ITK: variants seen among roughly 807,000 people sequenced by gnomAD.
ITK encodes IL2 inducible T cell kinase, also known as tyrosine-protein kinase ITK/TSK.
In ITK, 45 loss-of-function variants were observed where a neutral mutation model predicts 87.6. The ratio of observed to expected loss-of-function variants is 0.51; its 90% CI spans 0.40 to 0.66. The LOEUF (loss-of-function observed/expected upper bound fraction) is 0.66. ITK is among the 30% of genes least tolerant of loss of function. The probability of loss-of-function intolerance (pLI) is 0.00; values close to 1 mark genes in which losing one functional copy is unlikely to be tolerated. For missense variants in ITK, 605 were observed against 766.3 expected, an observed-to-expected ratio of 0.79 and a Z score of 2.48; for synonymous variants, 303 against 273.6, an observed-to-expected ratio of 1.11 and a Z score of -1.06.
At chr5:157,191,064 T>G (rs746438645) in intron 1 of ITK, among the ~76,000 whole-genome samples, 2 of 152,232 alleles carry the variant, frequency 1.3e-5, no homozygotes, top group Non-Finnish European at 2.9e-5. Context: ...AGTGGTCTCC[T>G]GGGCCATTGT....
chr5:157,221,393 C>G (rs1754408999), intron 5 of ITK, among the ~76,000 whole-genome samples: 1 of 152,110 alleles, frequency 6.6e-6, no homozygotes, highest in African/African-American at 2.4e-5. Flanking sequence ...GGATAGGGTA[C>G]AGCTAGGATC....
intron 10 of ITK, 163 bp downstream of exon 10, chr5:157,240,358 G>A (rs1268068661): frequency 4.3e-6 from 3 of 705,540 alleles, no homozygotes; most frequent in Non-Finnish European, 7.6e-6. Context: ...TCTAGGTTGT[G>A]TGCTCCTTAT....
rs62382969 is a variant in ITK, at chr5:157,244,622, G to T, written c.1449+144G>T. On this transcript the variant is annotated intron_variant, in intron 13 of 16. Transcript: ENST00000422843. ...TTCTCCCTTCCTTCACCTACTTTGG[G>T]TGGTCCTAGTGGAAAGGGCTTCATG... is the stretch of plus-strand genomic sequence containing the variant. 1.0e-3 allele frequency: 711 copies of T among 693,960 alleles called. 1 individual carries two copies. The highest frequency in any genetic ancestry group is 1.6e-3 in the Non-Finnish European group (616 of 381,040). The allele number at this position is 693,960 out of a possible 1,614,324, so 43.0% of individuals were successfully genotyped here. A position where few individuals can be genotyped will look rare whatever the true frequency, so the allele number is the denominator to read the frequency against.
Position 157,180,866 on chromosome 5 carries a change from C to A in ITK, c.-112C>A. On this transcript the variant is annotated 5_prime_UTR_variant, in exon 1 of 17. Transcript: ENST00000422843. ...ACGTTGAAGGCAAGTTGCCCTTGAG[C>A]AGCTCTCTGAAGATCAACTGCCTCC... 11 of 1,019,256 alleles carry A rather than the reference C, an allele frequency of 1.1e-5. No homozygotes were observed. The highest frequency in any genetic ancestry group is 1.5e-5 in the Non-Finnish European group (10 of 655,876). The allele number at this position is 1,019,256 out of a possible 1,614,324, so 63.1% of individuals were successfully genotyped here.
chr5:157,215,660 G>A (rs955243758), intron 4 of ITK, among the ~76,000 whole-genome samples: 2 of 152,198 alleles, frequency 1.3e-5, no homozygotes, highest in African/African-American at 4.8e-5. Context: ...TCCAAAGTCA[G>A]TGATCTGGTC....
chr5:157,246,883 TAA>T (rs1200627034), intron 15 of ITK, among the ~76,000 whole-genome samples: 4 of 152,162 alleles, frequency 2.6e-5, no homozygotes, highest in African/African-American at 9.7e-5. Flanking sequence ...TTAGAATTTC[TAA>T]AAAGTGCAAA....
At chr5:157,204,479 CACAGGGTCAGGAGATGGAG>C (rs1754041198) in intron 1 of ITK, among the ~76,000 whole-genome samples, 1 of 152,136 alleles carries the variant, frequency 6.6e-6, no homozygotes, top group Admixed American at 6.5e-5. Flanking sequence ...GTGGGTGGAC[CACAGGGTCAGGAGATGGAG>C]ACCATCCTGG....
At chr5:157,239,029 A>G (rs10866648) in intron 9 of ITK, among the ~76,000 whole-genome samples, 74,104 of 151,862 alleles carry the variant, frequency 0.49, 18,626 homozygotes, top group East Asian at 0.77. Flanking sequence ...ATCCAGGGAT[A>G]GGAGGGAACA....
intron 3 of ITK, among the ~76,000 whole-genome samples, chr5:157,213,391 G>T (rs30138): frequency 0.23 from 34,867 of 152,082 alleles, 4,531 homozygotes; most frequent in Admixed American, 0.29. Flanking sequence ...AGAGCCAAAC[G>T]ATATCAGACA....
chr5:157,199,779 G>C (rs1303754603), intron 1 of ITK: 1 of 152,078 alleles, frequency 6.6e-6, no homozygotes, highest in Non-Finnish European at 1.5e-5. Context: ...TGAATGCCTG[G>C]AATATAGAAA....
intron 1 of ITK, among the ~76,000 whole-genome samples, chr5:157,184,413 C>T (rs445940): frequency 0.19 from 28,438 of 152,124 alleles, 3,533 homozygotes; most frequent in African/African-American, 0.35. Context: ...TCCAGCACAC[C>T]GTCGGCAAGC....
At chr5:157,222,655 C>A in intron 5 of ITK, 1 of 593,442 alleles carries the variant, frequency 1.7e-6, no homozygotes, top group South Asian at 1.9e-5. Flanking sequence ...GCTTGGAATT[C>A]ACTGTGGTCA....
chr5:157,232,163 C>A (rs751599488), intron 7 of ITK, among the ~76,000 whole-genome samples, 177 bp from the exon 8 acceptor site: 3 of 152,040 alleles, frequency 2.0e-5, no homozygotes. Flanking sequence ...TGAGTTTAAA[C>A]GCACTGGTAG....
chr5:157,251,054 C>T (rs1755131148), intron 16 of ITK, among the ~76,000 whole-genome samples: 1 of 152,140 alleles, frequency 6.6e-6, no homozygotes, highest in Non-Finnish European at 1.5e-5. Flanking sequence ...TAAGAGTATG[C>T]TTGCTGAATC....
At chr5:157,242,838 G>C (rs148442695) in intron 11 of ITK, among the ~76,000 whole-genome samples, 2 of 152,164 alleles carry the variant, frequency 1.3e-5, no homozygotes. Context: ...CCACTGCCAC[G>C]CATGGGCTTC....
intron 1 of ITK, among the ~76,000 whole-genome samples, chr5:157,186,816 C>A (rs958790372): frequency 6.6e-6 from 1 of 152,136 alleles, no homozygotes; most frequent in Non-Finnish European, 1.5e-5. Flanking sequence ...GGACTGCTAC[C>A]ACCTCTCATG....
chr5:157,180,844 T>C lies in ITK; in HGVS notation c.-134T>C. 1 of 801,462 alleles carries C rather than the reference T, an allele frequency of 1.2e-6. No homozygotes were observed. Among genetic ancestry groups the C allele is most frequent in the Non-Finnish European group, 2.1e-6 (1 of 476,990 alleles). 49.6% of individuals were successfully genotyped at this position (801,462 alleles called of 1,614,324 possible). ...GCTGAACGTTGATAGAAAGATAACG[T>C]TGAAGGCAAGTTGCCCTTGAGCAGC... On this transcript the variant is annotated 5_prime_UTR_variant, in exon 1 of 17. Coordinates refer to ENST00000422843, the MANE Select transcript of ITK (RefSeq NM_005546.4).
intron 15 of ITK, among the ~76,000 whole-genome samples, chr5:157,246,371 A>T (rs950355704): frequency 6.6e-6 from 1 of 152,218 alleles, no homozygotes; most frequent in Non-Finnish European, 1.5e-5. Context: ...ATATTTATTC[A>T]TTCATTCAAC....
intron 5 of ITK, 34 bp downstream of exon 5, chr5:157,217,941 G>A (rs930863904): frequency 1.9e-6 from 3 of 1,586,350 alleles, no homozygotes; most frequent in African/African-American, 1.3e-5. Context: ...GTGCAGGTGG[G>A]CCCACAGGCT....
Sources: allele counts gnomAD v4.1 joint callset (sites outside exome capture counted in the v4.1 genomes callset), GRCh38; gene constraint gnomAD v4.1.1; transcripts MANE v1.5; gene names NCBI Gene and HGNC (gene_info 2026-07-23, HGNC 2026-07-21).